ABI1: variants seen among roughly 807,000 people sequenced by gnomAD.
ABI1 encodes Abelson interactor 1.
In ABI1, 14 loss-of-function variants were observed where a neutral mutation model predicts 54.6. The observed-to-expected ratio is 0.26, with a 90% CI of 0.17 to 0.40. The LOEUF is 0.40. Among genes scored for constraint, ABI1 ranks in the 10% least tolerant of loss-of-function variants. ABI1 has a pLI of 1.00. For missense variants in ABI1, 443 were observed against 598.3 expected (o/e 0.74, Z 2.71); for synonymous variants, 194 against 209.3 (o/e 0.93, Z 0.63).
intron 3 of ABI1, among the ~76,000 whole-genome samples, chr10:26,772,649 A>T (rs1284255843): frequency 6.6e-6 from 1 of 152,188 alleles, no homozygotes; most frequent in African/African-American, 2.4e-5. Flanking sequence ...CAATGTTGGC[A>T]AGTGTTAGTA....
intron 1 of ABI1, among the ~76,000 whole-genome samples, chr10:26,853,720 T>G (rs1205197622): frequency 6.6e-6 from 1 of 151,864 alleles, no homozygotes; most frequent in African/African-American, 2.4e-5. Context: ...GTTTCTGTAT[T>G]TTTAGTAGAG....
At chr10:26,760,036 T>C (rs1317329943) in intron 7 of ABI1, among the ~76,000 whole-genome samples, 1 of 151,354 alleles carries the variant, frequency 6.6e-6, no homozygotes, top group Non-Finnish European at 1.5e-5. Flanking sequence ...TCTTTCTCCA[T>C]GCCTGGAGGG....
chr10:26,853,100 T>A (rs1052279815), intron 1 of ABI1, among the ~76,000 whole-genome samples: 1 of 152,090 alleles, frequency 6.6e-6, no homozygotes, highest in African/African-American at 2.4e-5. Flanking sequence ...GATGGATATT[T>A]ACTGTTAAAA....
At chr10:26,773,277 C>G (rs762581725) in intron 3 of ABI1, among the ~76,000 whole-genome samples, 95 of 137,940 alleles carry the variant, frequency 6.9e-4, no homozygotes, top group Non-Finnish European at 1.1e-3. Context: ...TCTTGGCTCA[C>G]TGCAACCTCT....
chr10:26,843,130 T>C (rs762379160), intron 1 of ABI1, among the ~76,000 whole-genome samples: 2 of 151,912 alleles, frequency 1.3e-5, no homozygotes, highest in Non-Finnish European at 2.9e-5. Context: ...GAAAAAAGAT[T>C]ATATGATTTA....
At position 26,823,216 on chromosome 10, in the gene ABI1, G is replaced by A. The variant is rs1467424159; in HGVS notation, c.207C>T (p.Ala69=). Residue 69 remains alanine (A), a synonymous_variant, in exon 2 of 11, where the codon GCC becomes GCT. Coordinates refer to ENST00000376140, the MANE Select transcript of ABI1 (RefSeq NM_001012750.3). ...ASVAYQINAL[A]NNVLQLLDIQ... Reference sequence around the variant, plus strand: ...TATCCAGCAACTGGAGTACATTGTTGGCCAATGCATTTATTTGATAAGCAA... The same window carrying A: ...TATCCAGCAACTGGAGTACATTGTTAGCCAATGCATTTATTTGATAAGCAA... The A allele has an allele frequency of 6.2e-7, 1 of 1,605,658 alleles. No homozygotes were observed.
At chr10:26,758,022 C>T (rs541522393) in intron 8 of ABI1, among the ~76,000 whole-genome samples, 2 of 136,128 alleles carry the variant, frequency 1.5e-5, no homozygotes, top group East Asian at 2.2e-4. Context: ...GGACCGAGAT[C>T]GCGCCACTGC....
At chr10:26,792,245 T>C (rs1304081413) in intron 2 of ABI1, among the ~76,000 whole-genome samples, 4 of 152,232 alleles carry the variant, frequency 2.6e-5, no homozygotes, top group Non-Finnish European at 2.9e-5. Flanking sequence ...ATGCATAACA[T>C]ATATTACATT....
At chr10:26,825,375 T>A (rs1322461004) in intron 1 of ABI1, among the ~76,000 whole-genome samples, 2 of 151,750 alleles carry the variant, frequency 1.3e-5, no homozygotes, top group East Asian at 3.9e-4. Context: ...AAAAAATTTT[T>A]TTTGGCCGGG....
At chr10:26,834,365 G>A (rs536436792) in intron 1 of ABI1, among the ~76,000 whole-genome samples, 2 of 152,128 alleles carry the variant, frequency 1.3e-5, no homozygotes, top group Admixed American at 6.5e-5. Flanking sequence ...GCACAAGAAA[G>A]GAAACAATCA....
intron 1 of ABI1, among the ~76,000 whole-genome samples, chr10:26,846,452 C>G (rs10829105): frequency 0.25 from 38,458 of 151,204 alleles, 5,490 homozygotes; most frequent in South Asian, 0.44. Context: ...AAGTGATTCT[C>G]CTGCCTCAGC....
chr10:26,795,013 G>A (rs1019046978), intron 2 of ABI1, among the ~76,000 whole-genome samples: 5 of 151,798 alleles, frequency 3.3e-5, no homozygotes, highest in Non-Finnish European at 4.4e-5. Flanking sequence ...GCATGGTGGC[G>A]CACGCCTGTA....
intron 2 of ABI1, among the ~76,000 whole-genome samples, chr10:26,805,452 A>C (rs1055335297): frequency 6.6e-6 from 1 of 152,018 alleles, no homozygotes; most frequent in Admixed American, 6.6e-5. Context: ...TTTTTATTCT[A>C]AGGTTAATGA....
chr10:26,857,338 A>C (rs1022725752), intron 1 of ABI1, among the ~76,000 whole-genome samples: 4 of 83,920 alleles, frequency 4.8e-5, no homozygotes, highest in African/African-American at 1.3e-4. Flanking sequence ...AAAAAAAAAA[A>C]AAAAAAAAAA....
chr10:26,755,607 T>C (rs932659026), intron 9 of ABI1, 48 bp downstream of exon 9: 1 of 1,450,660 alleles, frequency 6.9e-7, no homozygotes. Flanking sequence ...ATGCATGCTA[T>C]AAGGAGACAG....
chr10:26,825,838 AG>A (rs2048274499), intron 1 of ABI1, among the ~76,000 whole-genome samples: 1 of 152,200 alleles, frequency 6.6e-6, no homozygotes, highest in Non-Finnish European at 1.5e-5. Context: ...TTCACCTATA[AG>A]GAACAACTCA....
intron 2 of ABI1, among the ~76,000 whole-genome samples, chr10:26,789,846 A>G (rs1046492071): frequency 7.2e-5 from 11 of 152,110 alleles, no homozygotes; most frequent in Admixed American, 2.0e-4. Flanking sequence ...TGTTCTCATC[A>G]TTTAGCTCCT....
chr10:26,787,591 G>C (rs570971659), intron 2 of ABI1, among the ~76,000 whole-genome samples: 1 of 152,182 alleles, frequency 6.6e-6, no homozygotes, highest in African/African-American at 2.4e-5. Context: ...CAAAAAAAAG[G>C]GAACAGGTTT....
At chr10:26,801,180 G>A (rs2046528477) in intron 2 of ABI1, among the ~76,000 whole-genome samples, 1 of 152,232 alleles carries the variant, frequency 6.6e-6, no homozygotes, top group South Asian at 2.1e-4. Flanking sequence ...TGGTAGCAAT[G>A]TATCAGTGGT....
Sources: gnomAD v4.1 joint callset for allele counts (sites outside exome capture counted in the v4.1 genomes callset) on GRCh38, gnomAD v4.1.1 for gene constraint, MANE v1.5 for transcripts, NCBI Gene and HGNC (gene_info 2026-07-23, HGNC 2026-07-21) for gene names.